Variants in AEBP2 observed in about 807,000 individuals in gnomAD.
AEBP2 encodes the protein zinc finger protein AEBP2.
In AEBP2, 10 loss-of-function variants were observed where a neutral mutation model predicts 50.8. The observed-to-expected ratio is 0.20, with a 90% CI of 0.12 to 0.33. The LOEUF is 0.33. AEBP2 is among the 10% of genes least tolerant of loss of function. The pLI is 1.00. For synonymous variants in AEBP2, 296 were observed against 261.3 expected (o/e 1.13, Z -1.28); for missense variants, 570 against 688.0 (o/e 0.83, Z 1.92).
In AEBP2 at chr12:19,480,507, C is replaced by G. The variant is rs150052888; in HGVS notation, c.987+7152C>G. Among the ~76,000 whole-genome samples the G allele has an allele frequency of 3.9e-3, 592 of 152,288 alleles. 4 individuals are homozygous for G. Among genetic ancestry groups the G allele is most frequent in the African/African-American group, 0.014 (565 of 41,562 alleles). On this transcript the variant is annotated intron_variant, in intron 3 of 7. Coordinates refer to ENST00000266508, the MANE Select transcript of AEBP2 (RefSeq NM_153207.5). ...GCTTGGTAGTGACAAATTCTCTTAG[C>G]CTTTGTCTGAAAAAGACTTGATCTC...
rs181853554 is a variant in AEBP2 at position 19,456,295 on chromosome 12, C to T, written c.672-6215C>T. The stretch of plus-strand genomic sequence containing the variant: ...GCAGATTTGGTGACCTTGCCAGCTC[C>T]AGCAGCCTTCTTGTTCACTGCTTTG... On this transcript the variant is annotated intron_variant, in intron 1 of 7. Transcript: ENST00000266508. 5,183 of 1,522,778 alleles carry T rather than the reference C, an allele frequency of 3.4e-3. 12 individuals are homozygous for T. The highest frequency in any genetic ancestry group is 4.2e-3 in the Non-Finnish European group (4,711 of 1,109,574). The allele number at this position is 1,522,778 out of a possible 1,614,324, so 94.3% of individuals were successfully genotyped here.
At chr12:19,413,102 G>C in intron 1 of AEBP2, 1 of 644,994 alleles carries the variant, frequency 1.6e-6, no homozygotes, top group Admixed American at 2.1e-5. Context: ...CAGCCGGGCC[G>C]AATTCAGTTT....
intron 5 of AEBP2, among the ~76,000 whole-genome samples, chr12:19,503,860 C>A (rs1949118144): frequency 6.6e-6 from 1 of 152,056 alleles, no homozygotes; most frequent in African/African-American, 2.4e-5. Context: ...AAGACAGGGT[C>A]TTACTCTGTC....
chr12:19,436,050 A>G (rs1947859172), upstream of AEBP2, among the ~76,000 whole-genome samples: 1 of 152,232 alleles, frequency 6.6e-6, no homozygotes. Flanking sequence ...ATAGCAGGTC[A>G]GCACAAGATA....
chr12:19,492,630 G>A (rs2120444208), intron 3 of AEBP2, among the ~76,000 whole-genome samples: 3 of 151,974 alleles, frequency 2.0e-5, no homozygotes, highest in Admixed American at 2.0e-4. Flanking sequence ...AATATTAAAT[G>A]TAGTCCGTAT....
chr12:19,490,268 C>A (rs559004473), intron 3 of AEBP2, among the ~76,000 whole-genome samples: 1 of 152,022 alleles, frequency 6.6e-6, no homozygotes, highest in Admixed American at 6.6e-5. Flanking sequence ...TCAGACTAGC[C>A]AAGTTTCAAA....
chr12:19,464,562 T>A (rs963359927), intron 2 of AEBP2, among the ~76,000 whole-genome samples: 1 of 151,618 alleles, frequency 6.6e-6, no homozygotes, highest in Admixed American at 6.6e-5. Flanking sequence ...ATTTTTATTT[T>A]ATTTTTATTT....
At chr12:19,453,870 C>A (rs539399268) in intron 1 of AEBP2, among the ~76,000 whole-genome samples, 253 of 151,916 alleles carry the variant, frequency 1.7e-3, no homozygotes, top group African/African-American at 5.8e-3. Context: ...GATCACAGCT[C>A]ACTGCAAACT....
rs1244044534 is a variant in AEBP2, at chr12:19,498,655, ATTAG to A, written c.1175-1440_1175-1437del. On this transcript the variant is annotated intron_variant, in intron 4 of 7. Transcript: ENST00000266508. Reference sequence around the variant, plus strand: ...TTACAGATCTTGAAAAATTACATGTATTAGTAAGCTCCACAAATGTAAAATAATC... The same window carrying A: ...TTACAGATCTTGAAAAATTACATGTATAAGCTCCACAAATGTAAAATAATC... Among the ~76,000 whole-genome samples, 8 of 152,290 alleles carry A rather than the reference ATTAG, an allele frequency of 5.3e-5. No individual in the cohort carries two copies. The East Asian group carries it at 1.5e-3, about 29-fold the overall frequency.
At chr12:19,441,365 TA>T (rs1947955726) in intron 1 of AEBP2, among the ~76,000 whole-genome samples, 2 of 152,176 alleles carry the variant, frequency 1.3e-5, no homozygotes, top group Non-Finnish European at 2.9e-5. Flanking sequence ...AATGTACTTT[TA>T]AAAAAACGAG....
At chr12:19,404,090 T>C (rs1221194412) in exon 1 of AEBP2, 1 of 152,314 alleles carries the variant, frequency 6.6e-6, no homozygotes, top group Non-Finnish European at 1.5e-5. Flanking sequence ...CGCTCGACCC[T>C]CGGTTCTGGA....
At chr12:19,421,914 C>G (rs1592706368) in intron 1 of AEBP2, among the ~76,000 whole-genome samples, 1 of 152,166 alleles carries the variant, frequency 6.6e-6, no homozygotes, top group Admixed American at 6.5e-5. Context: ...CTTTGGGAGG[C>G]TGAGACAGGT....
intron 1 of AEBP2, chr12:19,456,851 A>C (rs2153369179): frequency 6.5e-7 from 1 of 1,535,932 alleles, no homozygotes; most frequent in African/African-American, 1.4e-5. Context: ...CAACAGGAAC[A>C]GTACCAATAC....
chr12:19,430,321 T>C (rs1275725223), intron 1 of AEBP2, among the ~76,000 whole-genome samples: 2 of 152,212 alleles, frequency 1.3e-5, no homozygotes, highest in South Asian at 2.1e-4. Flanking sequence ...CTCTGTTCTG[T>C]TCCATTGGTC....
intron 1 of AEBP2, chr12:19,457,741 G>T: frequency 1.5e-6 from 1 of 658,450 alleles, no homozygotes; most frequent in Non-Finnish European, 2.2e-6. Context: ...GATCTTTTCG[G>T]TTCCTACTAG....
chr12:19,456,454 A>G (rs1403760657), intron 1 of AEBP2: 6 of 1,446,104 alleles, frequency 4.1e-6, no homozygotes, highest in East Asian at 2.3e-5. Flanking sequence ...CCAGAGTTCA[A>G]GAAGTTAGGG....
intron 6 of AEBP2, among the ~76,000 whole-genome samples, chr12:19,513,959 T>A (rs77713946): frequency 7.3e-5 from 11 of 150,538 alleles, no homozygotes; most frequent in Non-Finnish European, 5.9e-5. Context: ...TTTTTTTTTT[T>A]AAATGGACTT....
chr12:19,453,378 A>G (rs1241885795), intron 1 of AEBP2, among the ~76,000 whole-genome samples: 1 of 151,586 alleles, frequency 6.6e-6, no homozygotes. Context: ...TTGGCCTCCC[A>G]ACATGTTGGG....
chr12:19,518,310 A>C lies in AEBP2; in HGVS notation c.*193A>C, dbSNP rs1949349041. The C allele has an allele frequency of 7.8e-7, 1 of 1,279,976 alleles. No homozygotes were observed. Among genetic ancestry groups the C allele is most frequent in the Non-Finnish European group, 9.9e-7 (1 of 1,015,048 alleles). The allele number at this position is 1,279,976 out of a possible 1,614,324, so 79.3% of individuals were successfully genotyped here. On this transcript the variant is annotated 3_prime_UTR_variant, in exon 8 of 8. Coordinates refer to ENST00000266508, the MANE Select transcript of AEBP2 (RefSeq NM_153207.5). The stretch of plus-strand genomic sequence containing the variant: ...TGAATGAAGTAGACTCTTCGGTGGA[A>C]TATATTAATATATTACTGTATATCC...
Sources: allele counts gnomAD v4.1 joint callset (sites outside exome capture counted in the v4.1 genomes callset), GRCh38; gene constraint gnomAD v4.1.1; transcripts MANE v1.5; gene names NCBI Gene and HGNC (gene_info 2026-07-23, HGNC 2026-07-21).